AMBN: variants seen among roughly 807,000 people sequenced by gnomAD.
AMBN encodes ameloblastin.
AMBN carries 54 observed loss-of-function variants against 48.0 expected under a neutral mutation model. That is an observed-to-expected ratio of 1.12 (90% CI 0.90 to 1.41). The LOEUF is 1.41. Among genes scored for constraint, AMBN ranks in the 40% most tolerant of loss-of-function variants. The pLI, the probability that AMBN is intolerant of heterozygous loss-of-function variation, is 0.00. For synonymous variants in AMBN, 186 were observed against 190.0 expected, an observed-to-expected ratio of 0.98 and a Z score of 0.17; for missense variants, 571 against 547.3, an observed-to-expected ratio of 1.04 and a Z score of -0.43.
chr4:70,603,714 G>A (rs1226633955), intron 11 of AMBN, among the ~76,000 whole-genome samples, 163 bp from the exon 12 acceptor site: 4 of 152,022 alleles, frequency 2.6e-5, no homozygotes, highest in African/African-American at 7.2e-5. Flanking sequence ...TGAATTATCC[G>A]AGTTGACTAC....
intron 11 of AMBN, 125 bp downstream of exon 11, chr4:70,603,585 C>A: frequency 2.0e-6 from 2 of 1,006,028 alleles, no homozygotes; most frequent in East Asian, 2.6e-5. Flanking sequence ...TACATTAGTA[C>A]TGAAATATTA....
intron 8 of AMBN, 27 bp from the exon 9 acceptor site, chr4:70,602,945 T>C (rs1737557942): frequency 2.5e-6 from 4 of 1,578,850 alleles, no homozygotes; most frequent in Non-Finnish European, 3.4e-6. Flanking sequence ...TTTTGACTGA[T>C]AATTTTAATA....
intron 12 of AMBN, among the ~76,000 whole-genome samples, chr4:70,605,188 T>C (rs1737614757): frequency 6.6e-6 from 1 of 151,940 alleles, no homozygotes; most frequent in Non-Finnish European, 1.5e-5. Flanking sequence ...GGAGATGATG[T>C]GAAAGCTGAG....
chr4:70,602,834 T>C lies in AMBN; in HGVS notation c.607T>C (p.Ser203Pro). The change falls in exon 8 of 13, where the codon TCA (serine) becomes CCA (proline). Residue 203 changes from serine (S) to proline (P), a missense_variant and splice_region_variant. By Grantham distance (74) the Ser-to-Pro change is moderately conservative. Transcript: ENST00000322937. ...GMDFPDPQGP[S>P]LPGLDFADPQ... ...GGATTTTCCTGATCCACAAGGTCCA[T>C]CAGTAAGTACAGATCTCAGTGAGAC... 6.3e-7 allele frequency: 1 copy of C among 1,591,184 alleles called. No individual in the cohort carries two copies. The highest frequency in any genetic ancestry group is 8.6e-7 in the Non-Finnish European group (1 of 1,167,266).
chr4:70,603,734 A>C lies in AMBN; in HGVS notation c.754-143A>C, dbSNP rs891261994. The C allele has an allele frequency of 5.8e-6, 5 of 862,582 alleles. No individual in the cohort carries two copies. The South Asian group carries it at 8.5e-5, about 15-fold the overall frequency. 53.4% of individuals were successfully genotyped at this position (862,582 alleles called of 1,614,324 possible). On this transcript the variant is annotated intron_variant, in intron 11 of 12. Transcript: ENST00000322937. The stretch of plus-strand genomic sequence containing the variant: ...TATCCGAGTTGACTACATTTATTCC[A>C]TAATGACTCACCTCTCCACTTTGCC...
chr4:70,606,133 A>G (rs1737637015), intron 12 of AMBN, 52 bp from the exon 13 acceptor site: 2 of 1,590,728 alleles, frequency 1.3e-6, no homozygotes, highest in South Asian at 1.1e-5. Flanking sequence ...GCTGCATGGT[A>G]TAGTTAATAG....
In AMBN at chr4:70,597,026, G is replaced by T; in HGVS notation, c.112G>T (p.Gly38Cys). ...PFFPQQSGTP[G>C]MASLSLETMR... Reference sequence around the variant, plus strand: ...CTTTCCTCAGCAATCTGGAACACCGGGTATGGCTAGTTTGAGCCTTGAGGT... The same window carrying T: ...CTTTCCTCAGCAATCTGGAACACCGTGTATGGCTAGTTTGAGCCTTGAGGT... The change falls in exon 3 of 13, where the codon GGT becomes TGT. Residue 38 changes from glycine (G) to cysteine (C), a missense_variant. Transcript: ENST00000322937. 6.2e-7 allele frequency: 1 copy of T among 1,613,270 alleles called. No individual in the cohort carries two copies. The highest frequency in any genetic ancestry group is 8.5e-7 in the Non-Finnish European group (1 of 1,179,494).
At chr4:70,602,945 T>A in intron 8 of AMBN, 27 bp from the exon 9 acceptor site, 1 of 1,578,968 alleles carries the variant, frequency 6.3e-7, no homozygotes, top group South Asian at 1.2e-5. Context: ...TTTTGACTGA[T>A]AATTTTAATA....
chr4:70,603,930 T>C lies in AMBN; in HGVS notation c.798+9T>C, dbSNP rs774650612. The C allele has an allele frequency of 6.2e-7, 1 of 1,613,748 alleles. No homozygotes were observed. Among genetic ancestry groups the C allele is most frequent in the Non-Finnish European group, 8.5e-7 (1 of 1,179,734 alleles). On this transcript the variant is annotated intron_variant, in intron 12 of 12. Coordinates refer to ENST00000322937, the MANE Select transcript of AMBN (RefSeq NM_016519.6). ...GTTCAGAAGAAGTGGCAGTGAGTAA[T>C]GTCTTCTAACTCTTCTTAAAATAGT...
rs369596506 is a variant in AMBN at position 70,593,986 on chromosome 4, T to G, written c.84+591T>G. On this transcript the variant is annotated intron_variant, in intron 2 of 12. Coordinates refer to ENST00000322937, the MANE Select transcript of AMBN (RefSeq NM_016519.6). ...TTCAAAGTTAAAAGCTTAGATAGTC[T>G]CCACAATGCATGGCGAAATTTTATT... Among the ~76,000 whole-genome samples, 32 of 152,240 alleles carry G rather than the reference T, an allele frequency of 2.1e-4. No homozygotes were observed. The East Asian group carries it at 4.8e-3, about 23-fold the overall frequency.
At position 70,606,478 on chromosome 4, in the gene AMBN, G is replaced by T. The variant is rs1228256377; in HGVS notation, c.1092G>T (p.Leu364=). The T allele has an allele frequency of 1.2e-6, 2 of 1,613,842 alleles. No individual in the cohort carries two copies. Among genetic ancestry groups the T allele is most frequent in the African/African-American group, 2.7e-5 (2 of 74,914 alleles). ...TCCCTAAGGATGACATTCCCGGCCT[G>T]CCAAGGAGCCCTTCAGGGAAGATGA... ...LALPKDDIPG[L]PRSPSGKMKG... is the part of the protein sequence containing the mutation. Residue 364 remains leucine (L), a synonymous_variant, in exon 13 of 13, where the codon CTG becomes CTT. Coordinates refer to ENST00000322937, the MANE Select transcript of AMBN (RefSeq NM_016519.6).
chr4:70,606,321 C>T lies in AMBN; in HGVS notation c.935C>T (p.Ala312Val). The T allele has an allele frequency of 1.2e-6, 2 of 1,614,100 alleles. No individual in the cohort carries two copies. The highest frequency in any genetic ancestry group is 1.7e-6 in the Non-Finnish European group (2 of 1,180,004). The change falls in exon 13 of 13, where the codon GCC (alanine) becomes GTC (valine). Residue 312 changes from alanine to valine, a missense_variant. Physicochemically the swap from Ala to Val is moderately conservative, Grantham distance 64. Transcript: ENST00000322937. ...CTGGAATTTGACTCCCCAGTGGCTG[C>T]CACCAAAGGCCCTGAGAACGAAGAA... ...FTLEFDSPVA[A>V]TKGPENEEGG...
intron 11 of AMBN, 56 bp from the exon 12 acceptor site, chr4:70,603,821 G>A (rs755434940): frequency 1.3e-6 from 2 of 1,581,758 alleles, no homozygotes; most frequent in South Asian, 1.1e-5. Context: ...ACTTTGTCTT[G>A]AGTAGATAAG....
chr4:70,603,340 C>T (rs746885949), intron 10 of AMBN, 21 bp downstream of exon 10: 12 of 1,613,032 alleles, frequency 7.4e-6, no homozygotes, highest in Non-Finnish European at 1.0e-5. Context: ...TTTAATACCA[C>T]ATCTCTGTTT....
Position 70,602,831 on chromosome 4 carries a change from C to A in AMBN, c.604C>A (p.Pro202Thr). 6.3e-7 allele frequency: 1 copy of A among 1,590,556 alleles called. No homozygotes were observed. Among genetic ancestry groups the A allele is most frequent in the East Asian group, 2.3e-5 (1 of 44,432 alleles). The change falls in exon 8 of 13, where the codon CCA becomes ACA. Residue 202 changes from proline (P) to threonine (T), a missense_variant. Coordinates refer to ENST00000322937, the MANE Select transcript of AMBN (RefSeq NM_016519.6). ...AATGGATTTTCCTGATCCACAAGGT[C>A]CATCAGTAAGTACAGATCTCAGTGA... ...PGMDFPDPQG[P>T]SLPGLDFADP... is the part of the protein sequence containing the mutation.
intron 2 of AMBN, among the ~76,000 whole-genome samples, chr4:70,593,978 A>G (rs746036188): frequency 2.0e-5 from 3 of 151,080 alleles, no homozygotes; most frequent in Non-Finnish European, 4.4e-5. Flanking sequence ...TTAAAAGCTT[A>G]GATAGTCTCC....
At chr4:70,599,448 A>C (rs960459078) in intron 4 of AMBN, 88 bp from the exon 5 acceptor site, 1 of 1,070,862 alleles carries the variant, frequency 9.3e-7, no homozygotes, top group Admixed American at 2.7e-5. Context: ...TCAAAAAAAA[A>C]AAGAAAAAGG....
At chr4:70,600,044 C>T (rs189506030) in intron 5 of AMBN, among the ~76,000 whole-genome samples, 97 of 152,290 alleles carry the variant, frequency 6.4e-4, no homozygotes, top group Middle Eastern at 3.4e-3. Context: ...CGATGGCTGA[C>T]GCCTGTAATC....
intron 4 of AMBN, among the ~76,000 whole-genome samples, 164 bp downstream of exon 4, chr4:70,598,567 A>T (rs1179288180): frequency 2.6e-5 from 4 of 152,198 alleles, no homozygotes; most frequent in African/African-American, 7.2e-5. Flanking sequence ...AGTGACAGGG[A>T]AAAACAAAAA....
Sources: gnomAD v4.1 joint callset for allele counts (sites outside exome capture counted in the v4.1 genomes callset) on GRCh38, gnomAD v4.1.1 for gene constraint, MANE v1.5 for transcripts, NCBI Gene and HGNC (gene_info 2026-07-23, HGNC 2026-07-21) for gene names.